LHFPL3: variants seen among roughly 807,000 people sequenced by gnomAD.
LHFPL3 encodes the protein LHFPL tetraspan subfamily member 3 protein.
Under a neutral mutation model 19.3 loss-of-function variants are expected in LHFPL3, and 5 were observed. The ratio of observed to expected loss-of-function variants is 0.26; its 90% CI spans 0.14 to 0.54. LHFPL3 has a LOEUF of 0.54. LHFPL3 is among the 20% of genes least tolerant of loss of function. LHFPL3 has a pLI of 0.94. For missense variants in LHFPL3, 249 were observed against 307.4 expected (o/e 0.81, Z 1.42); for synonymous variants, 133 against 126.2 (o/e 1.05, Z -0.36).
chr7:104,427,902 A>G (rs2116548878), intron 1 of LHFPL3, among the ~76,000 whole-genome samples: 1 of 152,332 alleles, frequency 6.6e-6, no homozygotes, highest in South Asian at 2.1e-4. Context: ...GAGCATCAGG[A>G]ATGAGAAATA....
At chr7:104,877,598 A>C (rs982588559) in intron 2 of LHFPL3, among the ~76,000 whole-genome samples, 2 of 152,204 alleles carry the variant, frequency 1.3e-5, no homozygotes, top group African/African-American at 2.4e-5. Flanking sequence ...TAGGATGGCT[A>C]TGATCAAAGA....
chr7:104,676,563 T>C (rs1313294850), intron 1 of LHFPL3, among the ~76,000 whole-genome samples: 1 of 152,238 alleles, frequency 6.6e-6, no homozygotes, highest in Non-Finnish European at 1.5e-5. Context: ...GATAATATTT[T>C]ATCAGGCATA....
chr7:104,608,413 G>T (rs934602913), intron 1 of LHFPL3, among the ~76,000 whole-genome samples: 1 of 146,976 alleles, frequency 6.8e-6, no homozygotes, highest in Non-Finnish European at 1.5e-5. Flanking sequence ...ACCAAACACC[G>T]CATGTTCTCA....
chr7:104,568,772 T>G (rs1268235164), intron 1 of LHFPL3, among the ~76,000 whole-genome samples: 2 of 152,198 alleles, frequency 1.3e-5, no homozygotes, highest in African/African-American at 2.4e-5. Flanking sequence ...AAAAACTCAC[T>G]GGTGGTGCCC....
intron 2 of LHFPL3, among the ~76,000 whole-genome samples, chr7:104,859,817 T>C (rs979269539): frequency 6.6e-6 from 1 of 152,170 alleles, no homozygotes; most frequent in Non-Finnish European, 1.5e-5. Context: ...ATACTAAAAG[T>C]GTACTCTAAT....
At chr7:104,598,424 A>G (rs971315536) in intron 1 of LHFPL3, among the ~76,000 whole-genome samples, 4 of 152,222 alleles carry the variant, frequency 2.6e-5, no homozygotes, top group Non-Finnish European at 4.4e-5. Context: ...GAGGTGAAAC[A>G]TGGCTTTCCA....
intron 2 of LHFPL3, among the ~76,000 whole-genome samples, chr7:104,843,916 A>C (rs1437909407): frequency 6.6e-6 from 1 of 152,230 alleles, no homozygotes. Context: ...TACATGAGCA[A>C]ATGCACCACT....
At chr7:104,634,589 G>C (rs780517957) in intron 1 of LHFPL3, among the ~76,000 whole-genome samples, 13 of 152,060 alleles carry the variant, frequency 8.5e-5, no homozygotes, top group Non-Finnish European at 1.6e-4. Context: ...AGTATCTGCC[G>C]AGTGAATAGT....
intron 2 of LHFPL3, chr7:104,785,772 T>G (rs1301511924): frequency 6.6e-6 from 1 of 152,208 alleles, no homozygotes; most frequent in East Asian, 1.9e-4. Flanking sequence ...CACACTAGTG[T>G]CAGATTTTTC....
chr7:104,534,639 T>G (rs1262298913), intron 1 of LHFPL3, among the ~76,000 whole-genome samples: 1 of 152,212 alleles, frequency 6.6e-6, no homozygotes, highest in African/African-American at 2.4e-5. Flanking sequence ...GTATTCCTTT[T>G]CTTAATTCCA....
chr7:104,841,772 T>TC (rs1791215387), intron 2 of LHFPL3, among the ~76,000 whole-genome samples: 1 of 152,118 alleles, frequency 6.6e-6, no homozygotes, highest in Admixed American at 6.6e-5. Context: ...AGTTCTATGT[T>TC]CCCCTTACTA....
intron 1 of LHFPL3, among the ~76,000 whole-genome samples, chr7:104,406,146 A>G (rs563351652): frequency 6.6e-6 from 1 of 152,202 alleles, no homozygotes; most frequent in Non-Finnish European, 1.5e-5. Context: ...ATAACCAGCC[A>G]TTCCCCACCT....
chr7:104,570,495 A>G (rs543325048), intron 1 of LHFPL3, among the ~76,000 whole-genome samples: 5 of 152,316 alleles, frequency 3.3e-5, no homozygotes, highest in Non-Finnish European at 7.3e-5. Flanking sequence ...TGATTTGTAC[A>G]TGTCTATTAT....
At chr7:104,765,274 G>T (rs1794438353) in intron 2 of LHFPL3, among the ~76,000 whole-genome samples, 1 of 152,142 alleles carries the variant, frequency 6.6e-6, no homozygotes, top group African/African-American at 2.4e-5. Flanking sequence ...ACTCTAGCAG[G>T]CTCCTAAGGA....
At chr7:104,664,206 A>G (rs1792281516) in intron 1 of LHFPL3, among the ~76,000 whole-genome samples, 1 of 152,220 alleles carries the variant, frequency 6.6e-6, no homozygotes, top group South Asian at 2.1e-4. Context: ...ATTCTGCTCC[A>G]TTAAAAAGAT....
chr7:104,521,679 C>T (rs927621228), intron 1 of LHFPL3, among the ~76,000 whole-genome samples: 15 of 152,110 alleles, frequency 9.9e-5, no homozygotes, highest in African/African-American at 3.6e-4. Flanking sequence ...AATGAACAAA[C>T]AAATTTACAA....
intron 2 of LHFPL3, chr7:104,744,326 G>A (rs1173286517): frequency 1.3e-5 from 2 of 152,110 alleles, no homozygotes; most frequent in Non-Finnish European, 2.9e-5. Context: ...AAACCTTACT[G>A]AAGTAAGATC....
chr7:104,906,080 T>C, intron 2 of LHFPL3, 107 bp from the exon 3 acceptor site: 2 of 1,026,882 alleles, frequency 1.9e-6, no homozygotes, highest in Non-Finnish European at 3.0e-6. Context: ...TTCATTGGTA[T>C]AGTTTTTCCG....
At chr7:104,809,173 C>T (rs575105747) in intron 2 of LHFPL3, among the ~76,000 whole-genome samples, 2 of 152,178 alleles carry the variant, frequency 1.3e-5, no homozygotes, top group African/African-American at 2.4e-5. Flanking sequence ...GGATTACAGG[C>T]GTGAGCCCGC....
Sources: gnomAD v4.1 joint callset for allele counts (sites outside exome capture counted in the v4.1 genomes callset) on GRCh38, gnomAD v4.1.1 for gene constraint, MANE v1.5 for transcripts, NCBI Gene and HGNC (gene_info 2026-07-23, HGNC 2026-07-21) for gene names.